Variants in NEBL observed in about 807,000 individuals in gnomAD.
NEBL encodes nebulette, also known as LIM and SH3 protein 2.
A neutral mutation model predicts 140.2 loss-of-function variants in NEBL; 122 were observed. That is an observed-to-expected ratio of 0.87 (90% CI 0.75 to 1.01). The LOEUF (loss-of-function observed/expected upper bound fraction) is 1.01. NEBL is among the 50% of genes least tolerant of loss of function. The pLI is 0.00. For missense variants in NEBL, 1,365 were observed against 1,231.3 expected (o/e 1.11, Z -1.62); for synonymous variants, 436 against 398.9 (o/e 1.09, Z -1.11).
Position 20,889,115 on chromosome 10 carries a change from T to C in NEBL, c.258+730A>G, listed in dbSNP as rs892182464. Among the ~76,000 whole-genome samples, 4 of 152,246 alleles carry C rather than the reference T, an allele frequency of 2.6e-5. No homozygotes were observed. The East Asian group carries it at 5.8e-4, about 22-fold the overall frequency. On this transcript the variant is annotated intron_variant, in intron 3 of 27. Transcript: ENST00000377122. ...GTTGATCTTTTTCCAACATAATTTA[T>C]GAAACACTAGAGGTCAGTCATTTAC...
At chr10:21,020,177 G>A (rs765899334) in exon 3 of NEBL, 5 of 1,614,058 alleles carry the variant, frequency 3.1e-6, no homozygotes, top group South Asian at 2.2e-5. Context: ...CTGCCACCGT[G>A]GTGAAGGACT....
chr10:21,166,580 T>A (rs1450596182), intron 2 of NEBL, among the ~76,000 whole-genome samples: 4 of 152,120 alleles, frequency 2.6e-5, no homozygotes, highest in African/African-American at 9.7e-5. Context: ...TTCCTGGAGG[T>A]CTGCCATGTG....
At chr10:21,190,866 A>G (rs1244413453) in intron 3 of NEBL, among the ~76,000 whole-genome samples, 1 of 152,170 alleles carries the variant, frequency 6.6e-6, no homozygotes, top group Non-Finnish European at 1.5e-5. Flanking sequence ...AACCAACTGT[A>G]TTTTATTGTT....
At chr10:20,968,909 T>C (rs1425158727) in intron 3 of NEBL, among the ~76,000 whole-genome samples, 1 of 152,216 alleles carries the variant, frequency 6.6e-6, no homozygotes, top group Non-Finnish European at 1.5e-5. Flanking sequence ...TTATGTATAG[T>C]TCTTGTATAG....
At chr10:20,937,450 G>C (rs929310984) in intron 4 of NEBL, among the ~76,000 whole-genome samples, 4 of 152,114 alleles carry the variant, frequency 2.6e-5, no homozygotes, top group African/African-American at 9.7e-5. Context: ...AGTTGAAAGA[G>C]CCAGGGGGTG....
intron 1 of NEBL, among the ~76,000 whole-genome samples, chr10:21,263,359 T>C (rs1588576821): frequency 6.6e-6 from 1 of 151,726 alleles, no homozygotes; most frequent in East Asian, 1.9e-4. Context: ...CCTAAGCTAA[T>C]AGAATTCTAG....
chr10:20,915,850 G>T (rs1439615951), intron 4 of NEBL, among the ~76,000 whole-genome samples: 1 of 152,158 alleles, frequency 6.6e-6, no homozygotes, highest in Non-Finnish European at 1.5e-5. Context: ...CCCAAGGGCA[G>T]GCTCTGAAAT....
rs1362255182 is a variant in NEBL, at chr10:20,868,944, G to A, written c.583-179C>T. On this transcript the variant is annotated intron_variant, in intron 6 of 27. Coordinates refer to ENST00000377122, the MANE Select transcript of NEBL (RefSeq NM_006393.3). ...AATTGATTTTATCCTGTGCTTACAT[G>A]AACAAACTCAACTTTTTGCAGTAAA... Among the ~76,000 whole-genome samples, 8 of 151,956 alleles carry A rather than the reference G, an allele frequency of 5.3e-5. No homozygotes were observed. The South Asian group carries it at 8.3e-4, about 16-fold the overall frequency.
chr10:21,150,769 T>C (rs1840106291), intron 2 of NEBL, among the ~76,000 whole-genome samples: 1 of 152,206 alleles, frequency 6.6e-6, no homozygotes. Context: ...TTATGGCATT[T>C]ATTATGAGCT....
intron 26 of NEBL, among the ~76,000 whole-genome samples, chr10:20,797,538 C>T (rs772606481): frequency 6.6e-5 from 10 of 152,094 alleles, no homozygotes; most frequent in South Asian, 4.1e-4. Context: ...AAAACTGACT[C>T]GATGTGTCCC....
At chr10:21,255,923 A>G (rs1002342539) in intron 1 of NEBL, among the ~76,000 whole-genome samples, 1 of 151,302 alleles carries the variant, frequency 6.6e-6, no homozygotes, top group African/African-American at 2.4e-5. Context: ...CAAAGGTTGC[A>G]GTGAGCTGAG....
Position 21,010,676 on chromosome 10 carries a change from G to A in NEBL, c.249+9441C>T, listed in dbSNP as rs186819696. 1.7e-3 allele frequency among the ~76,000 whole-genome samples: 264 copies of A among 152,176 alleles called. 1 individual carries two copies. The highest frequency in any genetic ancestry group is 2.3e-3 in the Non-Finnish European group (159 of 68,010). ...TTTCATAAAAGTATACAAATATATA[G>A]AGTTACTCTACTTCTACATAGAAAA... On this transcript the variant is annotated intron_variant, in intron 3 of 6. Transcript: ENST00000417816.
At chr10:21,042,037 T>C (rs1007527000) in intron 2 of NEBL, among the ~76,000 whole-genome samples, 2 of 152,198 alleles carry the variant, frequency 1.3e-5, no homozygotes, top group Non-Finnish European at 2.9e-5. Flanking sequence ...ACGTCCTGTT[T>C]TATCAGCAGG....
intron 2 of NEBL, among the ~76,000 whole-genome samples, chr10:21,037,383 T>C (rs575264849): frequency 7.8e-4 from 118 of 152,178 alleles, no homozygotes; most frequent in Admixed American, 1.3e-3. Context: ...TGACATTACA[T>C]GATTTTGAAT....
intron 4 of NEBL, among the ~76,000 whole-genome samples, chr10:20,885,825 C>G (rs2131347292): frequency 6.6e-6 from 1 of 152,212 alleles, no homozygotes; most frequent in East Asian, 1.9e-4. Flanking sequence ...GCTTAGGTGG[C>G]CAGATATTGG....
At chr10:21,079,116 A>G (rs1836248282) in intron 2 of NEBL, among the ~76,000 whole-genome samples, 2 of 152,196 alleles carry the variant, frequency 1.3e-5, no homozygotes, top group South Asian at 4.1e-4. Flanking sequence ...CTTTCCTTCC[A>G]GGTGTCTGTC....
intron 2 of NEBL, among the ~76,000 whole-genome samples, chr10:21,118,978 A>C (rs1344780210): frequency 6.6e-6 from 1 of 152,136 alleles, no homozygotes; most frequent in Non-Finnish European, 1.5e-5. Flanking sequence ...TTCTTACAAC[A>C]ATCTTGTGAG....
intron 3 of NEBL, among the ~76,000 whole-genome samples, chr10:20,981,481 A>G (rs1837039075): frequency 6.6e-6 from 1 of 152,232 alleles, no homozygotes; most frequent in Admixed American, 6.5e-5. Context: ...TACTGTGGTC[A>G]GCATTTGTCA....
intron 2 of NEBL, among the ~76,000 whole-genome samples, chr10:21,071,877 G>T (rs1047915387): frequency 6.6e-6 from 1 of 152,106 alleles, no homozygotes; most frequent in Admixed American, 6.6e-5. Context: ...GGAGTGCAGT[G>T]GTGCAATCTT....
Sources: allele counts gnomAD v4.1 joint callset (sites outside exome capture counted in the v4.1 genomes callset), GRCh38; gene constraint gnomAD v4.1.1; transcripts MANE v1.5; gene names NCBI Gene and HGNC (gene_info 2026-07-23, HGNC 2026-07-21).